The following NBEA variants were observed in gnomAD, a reference collection of about 807,000 sequenced individuals.
NBEA encodes lysosomal-trafficking regulator 2.
In NBEA, 44 loss-of-function variants were observed where a neutral mutation model predicts 343.4. That is an observed-to-expected ratio of 0.13 (90% CI 0.10 to 0.16). The LOEUF is 0.16. Ranked by LOEUF, NBEA falls within the 10% of genes least tolerant of loss-of-function variation. The probability of loss-of-function intolerance (pLI) is 1.00; values close to 1 mark genes in which losing one functional copy is unlikely to be tolerated. For synonymous variants in NBEA, 1,175 were observed against 1,238.7 expected (o/e 0.95, Z 1.08); for missense variants, 2,555 against 3,631.3 (o/e 0.70, Z 7.62).
At chr13:35,208,933 A>G (rs1447273910) in intron 32 of NBEA, 79 bp downstream of exon 32, 18 of 1,039,984 alleles carry the variant, frequency 1.7e-5, no homozygotes, top group Non-Finnish European at 2.3e-5. Flanking sequence ...GATCTTAAAA[A>G]TTAAAATACC....
At chr13:35,300,757 G>A (rs2036485993) in intron 35 of NBEA, among the ~76,000 whole-genome samples, 1 of 152,176 alleles carries the variant, frequency 6.6e-6, no homozygotes, top group Admixed American at 6.5e-5. Context: ...TTCCATAGGA[G>A]TCAGGCCTAA....
At chr13:35,274,916 A>T (rs775958523) in intron 34 of NBEA, among the ~76,000 whole-genome samples, 6 of 152,230 alleles carry the variant, frequency 3.9e-5, no homozygotes, top group Non-Finnish European at 8.8e-5. Context: ...ATATCATGAA[A>T]ATGGCCATAC....
At chr13:35,428,322 G>A (rs567328075) in intron 38 of NBEA, among the ~76,000 whole-genome samples, 8 of 152,250 alleles carry the variant, frequency 5.3e-5, no homozygotes, top group African/African-American at 9.6e-5. Flanking sequence ...CAGCTCTGCC[G>A]ACTTTCTCCT....
At chr13:35,475,126 G>C in intron 41 of NBEA, 1 of 1,614,076 alleles carries the variant, frequency 6.2e-7, no homozygotes, top group Non-Finnish European at 8.5e-7. Context: ...TTGTTTGGCA[G>C]CGTTTTCCAG....
chr13:34,977,183 G>T (rs573538194), intron 1 of NBEA, among the ~76,000 whole-genome samples: 2 of 150,038 alleles, frequency 1.3e-5, no homozygotes, highest in African/African-American at 4.9e-5. Context: ...CAGGTGATCC[G>T]CCTGCCTTGG....
At chr13:35,372,186 G>A (rs1385585886) in intron 38 of NBEA, among the ~76,000 whole-genome samples, 1 of 152,154 alleles carries the variant, frequency 6.6e-6, no homozygotes, top group Non-Finnish European at 1.5e-5. Context: ...CAGTGGGCGT[G>A]GTATGAGTGA....
intron 38 of NBEA, among the ~76,000 whole-genome samples, chr13:35,392,443 T>G (rs952339619): frequency 6.6e-6 from 1 of 151,758 alleles, no homozygotes; most frequent in Non-Finnish European, 1.5e-5. Flanking sequence ...TGGTAAAACC[T>G]AACTTGAGCC....
At chr13:35,523,909 T>C (rs1039028049) in intron 41 of NBEA, among the ~76,000 whole-genome samples, 3 of 152,206 alleles carry the variant, frequency 2.0e-5, no homozygotes, top group Non-Finnish European at 4.4e-5. Context: ...TTTTTTAAGA[T>C]TTAAATTGAA....
At chr13:35,628,604 T>C (rs1049011991) in intron 49 of NBEA, among the ~76,000 whole-genome samples, 1 of 152,228 alleles carries the variant, frequency 6.6e-6, no homozygotes, top group Non-Finnish European at 1.5e-5. Flanking sequence ...CCACTGTGGC[T>C]ATTCTTAAAA....
At chr13:35,652,401 G>A (rs896814753) in intron 53 of NBEA, among the ~76,000 whole-genome samples, 5 of 151,140 alleles carry the variant, frequency 3.3e-5, no homozygotes, top group Non-Finnish European at 7.4e-5. Flanking sequence ...AGTACTTTGG[G>A]AGTCCAAGAC....
chr13:35,572,557 G>C (rs1324526733), intron 45 of NBEA, among the ~76,000 whole-genome samples: 2 of 152,170 alleles, frequency 1.3e-5, no homozygotes, highest in Admixed American at 6.5e-5. Flanking sequence ...AATGCCTTGA[G>C]GCTTTGAAAT....
intron 34 of NBEA, among the ~76,000 whole-genome samples, chr13:35,249,155 A>AG (rs1360964535): frequency 5.3e-5 from 8 of 151,394 alleles, no homozygotes; most frequent in Admixed American, 2.0e-4. Context: ...ATCTTACAAA[A>AG]AAAAAAAAAA....
intron 8 of NBEA, among the ~76,000 whole-genome samples, chr13:35,068,220 G>A (rs533179325): frequency 1.4e-4 from 22 of 151,932 alleles, no homozygotes; most frequent in Non-Finnish European, 2.8e-4. Flanking sequence ...CCAAAATAGC[G>A]TATGGTATGT....
intron 1 of NBEA, among the ~76,000 whole-genome samples, chr13:34,977,081 C>T (rs192658365): frequency 6.6e-6 from 1 of 151,788 alleles, no homozygotes; most frequent in East Asian, 1.9e-4. Context: ...GCTGGAATTA[C>T]AGGCGTGCAC....
At chr13:35,651,086 A>G (rs1429622257) in intron 52 of NBEA, among the ~76,000 whole-genome samples, 1 of 152,232 alleles carries the variant, frequency 6.6e-6, no homozygotes, top group African/African-American at 2.4e-5. Context: ...GACAGCCTCT[A>G]GAAATGTTTT....
intron 35 of NBEA, among the ~76,000 whole-genome samples, chr13:35,298,966 T>G (rs1344471341): frequency 6.6e-6 from 1 of 152,062 alleles, no homozygotes; most frequent in African/African-American, 2.4e-5. Flanking sequence ...ATATTTTCAG[T>G]AATTATGTAT....
At chr13:34,962,076 T>C (rs1566094516) in intron 1 of NBEA, among the ~76,000 whole-genome samples, 1 of 152,122 alleles carries the variant, frequency 6.6e-6, no homozygotes, top group Non-Finnish European at 1.5e-5. Context: ...TTTACATTTT[T>C]CTTTTCATGT....
chr13:35,369,411 A>G (rs562182928), intron 38 of NBEA, among the ~76,000 whole-genome samples: 10 of 151,770 alleles, frequency 6.6e-5, no homozygotes, highest in South Asian at 4.2e-4. Context: ...CTTTTTGTCT[A>G]TTGCTGTGAA....
At chr13:35,455,252 C>T (rs930633822) in intron 40 of NBEA, among the ~76,000 whole-genome samples, 1 of 151,886 alleles carries the variant, frequency 6.6e-6, no homozygotes, top group African/African-American at 2.4e-5. Context: ...AGCAGATATG[C>T]AGTATAATTT....
Sources: allele counts gnomAD v4.1 joint callset (sites outside exome capture counted in the v4.1 genomes callset), GRCh38; gene constraint gnomAD v4.1.1; transcripts MANE v1.5; gene names NCBI Gene and HGNC (gene_info 2026-07-23, HGNC 2026-07-21).